The following INTS6 variants were observed in gnomAD, a reference collection of about 807,000 sequenced individuals.
INTS6 encodes the protein integrator complex subunit 6.
In INTS6, 16 loss-of-function variants were observed where a neutral mutation model predicts 104.9. That is an observed-to-expected ratio of 0.15 (90% CI 0.10 to 0.23). The LOEUF is 0.23. Among genes scored for constraint, INTS6 ranks in the 10% least tolerant of loss-of-function variants. The pLI is 1.00. For synonymous variants in INTS6, 324 were observed against 358.7 expected, an observed-to-expected ratio of 0.90 and a Z score of 1.09; for missense variants, 584 against 1,062.8, an observed-to-expected ratio of 0.55 and a Z score of 6.26.
At chr13:51,383,248 G>A in intron 9 of INTS6, 81 bp downstream of exon 9, 2 of 1,204,260 alleles carry the variant, frequency 1.7e-6, no homozygotes, top group Non-Finnish European at 2.3e-6. Flanking sequence ...ATTTCCAGAA[G>A]ACAAGAAAAA....
chr13:51,357,473 A>G (rs1202706942), downstream of INTS6, among the ~76,000 whole-genome samples: 1 of 152,146 alleles, frequency 6.6e-6, no homozygotes, highest in Non-Finnish European at 1.5e-5. Flanking sequence ...GCAGTTTTGT[A>G]CTACTGATGG....
In INTS6 at chr13:51,451,102, G is replaced by C. The variant is rs1953033003; in HGVS notation, c.262C>G (p.Leu88Val). 6.3e-7 allele frequency: 1 copy of C among 1,591,092 alleles called. No individual in the cohort carries two copies. The highest frequency in any genetic ancestry group is 8.5e-7 in the Non-Finnish European group (1 of 1,170,106). ...KNLQAEGLTT[L>V]GQSLRTAFDL... ...AAAGCTGTCCTTAGGGATTGGCCAA[G>C]AGTCGTAAGTCCTTCAGCCTGAAGG... The change falls in exon 3 of 18, where the codon CTT (leucine) becomes GTT (valine). Residue 88 changes from leucine to valine, a missense_variant. Transcript: ENST00000311234.
rs148109467 is a variant in INTS6 at position 51,374,765 on chromosome 13, C to T, written c.1761G>A (p.Met587Ile). The T allele has an allele frequency of 1.2e-6, 2 of 1,613,496 alleles. No individual in the cohort carries two copies. Among genetic ancestry groups the T allele is most frequent in the Admixed American group, 1.7e-5 (1 of 59,990 alleles). Residue 587 changes from methionine (M) to isoleucine (I), a missense_variant, in exon 14 of 18, where the codon ATG becomes ATA. By Grantham distance (10) the Met-to-Ile change is conservative. This residue lies in a region of INTS6 where 296 missense variants were observed against 437.0 expected (regional missense o/e 0.68). Coordinates refer to ENST00000311234, the MANE Select transcript of INTS6 (RefSeq NM_012141.3). ...DQVHSVPIAQ[M>I]GNYQEYLKQV... ...GCTTGAGGTATTCCTGGTAGTTCCC[C>T]ATTTGTGCTATAGGAACACTGTGCA...
At chr13:51,371,948 G>C (rs371832011) in intron 15 of INTS6, among the ~76,000 whole-genome samples, 2 of 151,970 alleles carry the variant, frequency 1.3e-5, no homozygotes, top group South Asian at 4.2e-4. Flanking sequence ...ATTCCCTCTT[G>C]CGTTCTCAGT....
intron 4 of INTS6, among the ~76,000 whole-genome samples, chr13:51,429,613 A>G (rs1957047519): frequency 6.6e-6 from 1 of 151,368 alleles, no homozygotes; most frequent in Admixed American, 6.6e-5. Context: ...AAATTACAAA[A>G]ATTAGCCAGA....
chr13:51,348,319 C>A, the INTS6 span: 7 of 1,613,738 alleles, frequency 4.3e-6, no homozygotes, highest in Non-Finnish European at 5.9e-6. Context: ...AAGACACCCC[C>A]CTGAGCCACA....
intron 4 of INTS6, among the ~76,000 whole-genome samples, chr13:51,403,605 GAAA>G (rs1156836396): frequency 4.9e-4 from 54 of 111,268 alleles, no homozygotes; most frequent in Middle Eastern, 4.9e-3. Flanking sequence ...AAAAAAAAAA[GAAA>G]AAAAAAAAAA....
chr13:51,421,606 C>T (rs1956897027), intron 4 of INTS6, among the ~76,000 whole-genome samples: 1 of 152,072 alleles, frequency 6.6e-6, no homozygotes, highest in Non-Finnish European at 1.5e-5. Flanking sequence ...AATAAAATCA[C>T]TATGGAAATA....
intron 4 of INTS6, among the ~76,000 whole-genome samples, chr13:51,412,086 A>T (rs1812578524): frequency 6.6e-6 from 1 of 152,212 alleles, no homozygotes; most frequent in Admixed American, 6.5e-5. Context: ...TGTCCACTGT[A>T]TAATTCCAAA....
chr13:51,407,364 G>A (rs1956588143), intron 4 of INTS6, among the ~76,000 whole-genome samples: 1 of 152,206 alleles, frequency 6.6e-6, no homozygotes, highest in African/African-American at 2.4e-5. Flanking sequence ...GGAAAGCAAT[G>A]AAACATTGTG....
the INTS6 span, among the ~76,000 whole-genome samples, chr13:51,348,028 C>T: frequency 1.9e-4 from 29 of 152,014 alleles, no homozygotes; most frequent in African/African-American, 6.5e-4. Flanking sequence ...GACTCTAGGT[C>T]TAGGATTTTT....
chr13:51,421,435 A>G, intron 4 of INTS6: 1 of 339,962 alleles, frequency 2.9e-6, no homozygotes, highest in Non-Finnish European at 4.2e-6. Flanking sequence ...AATATACCAA[A>G]ACAGCCTTGT....
At chr13:51,435,617 A>G (rs865902715) in intron 3 of INTS6, among the ~76,000 whole-genome samples, 30 of 152,080 alleles carry the variant, frequency 2.0e-4, no homozygotes, top group Admixed American at 1.3e-4. Flanking sequence ...TTGAAAAAAA[A>G]TTTTGAAAAT....
chr13:51,420,730 T>C (rs1016918460), intron 4 of INTS6, among the ~76,000 whole-genome samples: 1 of 125,150 alleles, frequency 8.0e-6, no homozygotes. Context: ...AATATACAAA[T>C]CAAGAGAATA....
At chr13:51,441,029 G>A (rs1218894172) in intron 3 of INTS6, 2 of 152,176 alleles carry the variant, frequency 1.3e-5, no homozygotes, top group East Asian at 1.9e-4. Flanking sequence ...ATGCCAGGCA[G>A]GCACTTTTGC....
intron 17 of INTS6, among the ~76,000 whole-genome samples, chr13:51,366,602 A>G (rs1955695939): frequency 6.6e-6 from 1 of 152,062 alleles, no homozygotes; most frequent in African/African-American, 2.4e-5. Flanking sequence ...GAAGTGAAGT[A>G]CAGATACCGG....
chr13:51,354,357 T>C (rs1212382423), intron 3 of INTS6: 1 of 152,210 alleles, frequency 6.6e-6, no homozygotes, highest in Non-Finnish European at 1.5e-5. Flanking sequence ...AGGATAATAA[T>C]AACATAGTTA....
chr13:51,342,178 CAAAAAAAA>C, the INTS6 span, among the ~76,000 whole-genome samples: 1 of 63,582 alleles, frequency 1.6e-5, no homozygotes, highest in Non-Finnish European at 3.3e-5. Flanking sequence ...AAAGACAGAA[CAAAAAAAA>C]AAAAAAAAAA....
intron 4 of INTS6, among the ~76,000 whole-genome samples, chr13:51,397,005 C>A (rs1172465231): frequency 6.6e-6 from 1 of 152,038 alleles, no homozygotes; most frequent in Non-Finnish European, 1.5e-5. Flanking sequence ...AAAATAAAAT[C>A]AAGACTCAGT....
Sources: gnomAD v4.1 joint callset for allele counts (sites outside exome capture counted in the v4.1 genomes callset) on GRCh38, gnomAD v4.1.1 for gene constraint, gnomAD v4.1.1 regional missense constraint, MANE v1.5 for transcripts, NCBI Gene and HGNC (gene_info 2026-07-23, HGNC 2026-07-21) for gene names.